CENPW: variants seen among roughly 807,000 people sequenced by gnomAD.
The protein encoded by CENPW is centromere protein W, also known as cancer-up-regulated gene 2 protein.
Under a neutral mutation model 11.1 loss-of-function variants are expected in CENPW, and 3 were observed. The observed-to-expected ratio is 0.27, with a 90% CI of 0.12 to 0.70. CENPW has a LOEUF of 0.70. Among genes scored for constraint, CENPW ranks in the 30% least tolerant of loss-of-function variants. The pLI is 0.77. For synonymous variants in CENPW, 38 were observed against 42.0 expected (o/e 0.91, Z 0.37); for missense variants, 100 against 105.6 (o/e 0.95, Z 0.23).
chr6:126,448,814 G>A, the CENPW span, among the ~76,000 whole-genome samples: 1 of 150,984 alleles, frequency 6.6e-6, no homozygotes, highest in Non-Finnish European at 1.5e-5. Context: ...CAAAAAAACA[G>A]AAATAAAACA....
chr6:126,455,077 G>T, the CENPW span, among the ~76,000 whole-genome samples: 1 of 150,922 alleles, frequency 6.6e-6, no homozygotes, highest in South Asian at 2.1e-4. Context: ...TCAGTCGTTA[G>T]AAAGTCTACC....
the CENPW span, among the ~76,000 whole-genome samples, chr6:126,361,828 A>G: frequency 6.6e-6 from 1 of 152,158 alleles, no homozygotes. Context: ...CCACTGCCAC[A>G]CATCTTGTCC....
At chr6:126,386,135 C>G in the CENPW span, among the ~76,000 whole-genome samples, 2 of 152,002 alleles carry the variant, frequency 1.3e-5, no homozygotes, top group Admixed American at 1.3e-4. Context: ...ACAATTTTAT[C>G]TTTTTAGATA....
At chr6:126,340,982 G>T (rs1238637173) in intron 1 of CENPW, among the ~76,000 whole-genome samples, 1 of 152,082 alleles carries the variant, frequency 6.6e-6, no homozygotes. Flanking sequence ...AAGTTTATTT[G>T]TAGGAAGAGT....
chr6:126,403,557 G>A, the CENPW span, among the ~76,000 whole-genome samples: 1 of 152,098 alleles, frequency 6.6e-6, no homozygotes, highest in South Asian at 2.1e-4. Flanking sequence ...ATTCAGTGAA[G>A]ACAGAGAGGT....
chr6:126,380,678 T>G, the CENPW span, among the ~76,000 whole-genome samples: 2 of 152,186 alleles, frequency 1.3e-5, no homozygotes, highest in Non-Finnish European at 2.9e-5. Context: ...ATTTGCTTAT[T>G]TATTTAATAC....
the CENPW span, among the ~76,000 whole-genome samples, chr6:126,473,416 T>G: frequency 5.9e-4 from 90 of 152,242 alleles, 1 homozygote; most frequent in African/African-American, 1.7e-3. Flanking sequence ...ACTTTTTTCC[T>G]CTTTAACCCA....
At chr6:126,422,470 C>T in the CENPW span, among the ~76,000 whole-genome samples, 9 of 151,950 alleles carry the variant, frequency 5.9e-5, 1 homozygote, top group Non-Finnish European at 1.3e-4. Context: ...CCTCACGTGG[C>T]GTTTTCATTA....
the CENPW span, among the ~76,000 whole-genome samples, chr6:126,372,846 C>T: frequency 6.6e-6 from 1 of 152,180 alleles, no homozygotes; most frequent in Non-Finnish European, 1.5e-5. Context: ...TTGCTACTCA[C>T]ATAAGTCCTC....
the CENPW span, among the ~76,000 whole-genome samples, chr6:126,385,826 G>A: frequency 6.6e-6 from 1 of 152,082 alleles, no homozygotes; most frequent in Non-Finnish European, 1.5e-5. Flanking sequence ...CCCCAGCCTT[G>A]CTGAACTATG....
At chr6:126,376,975 G>A in the CENPW span, among the ~76,000 whole-genome samples, 1 of 152,050 alleles carries the variant, frequency 6.6e-6, no homozygotes, top group South Asian at 2.1e-4. Context: ...TTTAGGTAAA[G>A]GTGATATTCA....
the CENPW span, among the ~76,000 whole-genome samples, chr6:126,444,187 G>T: frequency 6.7e-6 from 1 of 149,262 alleles, no homozygotes; most frequent in Non-Finnish European, 1.5e-5. Flanking sequence ...TTTTTTTCTA[G>T]GTATATGGTT....
At chr6:126,435,717 G>A in the CENPW span, among the ~76,000 whole-genome samples, 1 of 151,806 alleles carries the variant, frequency 6.6e-6, no homozygotes, top group African/African-American at 2.4e-5. Flanking sequence ...ATGAGAGGCT[G>A]AGTCACTTGC....
the CENPW span, among the ~76,000 whole-genome samples, chr6:126,359,426 G>A: frequency 2.2e-4 from 33 of 152,164 alleles, no homozygotes; most frequent in African/African-American, 7.5e-4. Context: ...TTCTGTAGAT[G>A]TCTGTTAGGT....
At chr6:126,450,315 G>A in the CENPW span, among the ~76,000 whole-genome samples, 3 of 151,040 alleles carry the variant, frequency 2.0e-5, no homozygotes, top group Non-Finnish European at 4.5e-5. Flanking sequence ...TTGGGGTAAA[G>A]CTCCTGAAGT....
chr6:126,408,829 G>T, the CENPW span, among the ~76,000 whole-genome samples: 3 of 151,668 alleles, frequency 2.0e-5, no homozygotes, highest in East Asian at 1.9e-4. Context: ...TAATTTTTTT[G>T]TTTCTAATTT....
the CENPW span, among the ~76,000 whole-genome samples, chr6:126,419,811 T>C: frequency 6.6e-6 from 1 of 152,174 alleles, no homozygotes; most frequent in Non-Finnish European, 1.5e-5. Context: ...TCATATGTTT[T>C]CTCCATGCCA....
the CENPW span, among the ~76,000 whole-genome samples, chr6:126,374,628 A>G: frequency 4.6e-5 from 7 of 152,300 alleles, no homozygotes; most frequent in East Asian, 1.2e-3. Context: ...GTTACAATAC[A>G]TATCTCCTGT....
the CENPW span, among the ~76,000 whole-genome samples, chr6:126,414,000 A>T: frequency 1.3e-5 from 2 of 152,066 alleles, no homozygotes; most frequent in East Asian, 3.8e-4. Context: ...TGAAAACAAA[A>T]AGCAATCAAG....
Sources: gnomAD v4.1 joint callset for allele counts (sites outside exome capture counted in the v4.1 genomes callset) on GRCh38, gnomAD v4.1.1 for gene constraint, MANE v1.5 for transcripts, NCBI Gene and HGNC (gene_info 2026-07-23, HGNC 2026-07-21) for gene names.